SNX32: variants seen among roughly 807,000 people sequenced by gnomAD.
SNX32 encodes the protein sorting nexin-32.
In SNX32, 58 loss-of-function variants were observed where a neutral mutation model predicts 57.0. That is an observed-to-expected ratio of 1.02 (90% CI 0.82 to 1.27). SNX32 has a LOEUF of 1.27. SNX32 is among the 50% of genes most tolerant of loss of function. The pLI is 0.00. For missense variants in SNX32, 589 were observed against 541.2 expected, an observed-to-expected ratio of 1.09 and a Z score of -0.88; for synonymous variants, 262 against 220.4, an observed-to-expected ratio of 1.19 and a Z score of -1.67.
chr11:65,844,289 T>C (rs553238275), intron 1 of SNX32, among the ~76,000 whole-genome samples: 5 of 152,276 alleles, frequency 3.3e-5, no homozygotes, highest in East Asian at 1.9e-4. Context: ...AGGACAAACA[T>C]AGACCAATGG....
chr11:65,843,300 G>A (rs1446572891), intron 1 of SNX32, among the ~76,000 whole-genome samples: 1 of 151,234 alleles, frequency 6.6e-6, no homozygotes, highest in Admixed American at 6.6e-5. Flanking sequence ...CAGGTAGGGT[G>A]GCTCATGCCT....
intron 12 of SNX32, 135 bp from the exon 13 acceptor site, chr11:65,853,147 A>C: frequency 7.4e-7 from 1 of 1,358,790 alleles, no homozygotes; most frequent in African/African-American, 1.4e-5. Context: ...CCTTCTGGGT[A>C]GGAAGGCCCA....
chr11:65,840,048 A>G (rs187828923), intron 1 of SNX32, among the ~76,000 whole-genome samples: 2,138 of 152,090 alleles, frequency 0.014, 50 homozygotes, highest in East Asian at 0.1. Context: ...CCAGCTACTC[A>G]GGAGGCTGAG....
intron 1 of SNX32, among the ~76,000 whole-genome samples, chr11:65,835,053 CTA>C (rs1312226686): frequency 6.9e-6 from 1 of 145,200 alleles, no homozygotes; most frequent in Non-Finnish European, 1.5e-5. Flanking sequence ...GTGTGTGTTT[CTA>C]TGTGTGTCTG....
intron 9 of SNX32, 92 bp from the exon 10 acceptor site, chr11:65,852,368 AGGCTT>A (rs1235693420): frequency 1.7e-5 from 19 of 1,096,336 alleles, no homozygotes; most frequent in South Asian, 2.6e-5. Context: ...CAGTTACCTA[AGGCTT>A]CTTTGCTGGA....
intron 5 of SNX32, 73 bp from the exon 6 acceptor site, chr11:65,850,678 G>A (rs1352295522): frequency 1.1e-5 from 17 of 1,582,174 alleles, no homozygotes; most frequent in South Asian, 3.4e-5. Flanking sequence ...TCACAGCTCC[G>A]TGAGTGGCTT....
intron 1 of SNX32, among the ~76,000 whole-genome samples, chr11:65,843,272 T>C (rs1385706640): frequency 7.1e-6 from 1 of 140,632 alleles, no homozygotes; most frequent in Non-Finnish European, 1.6e-5. Flanking sequence ...AGAAAATGAA[T>C]TGAAAATAGA....
chr11:65,853,439 G>C lies in SNX32; in HGVS notation c.*104G>C. 1 of 1,156,700 alleles carries C rather than the reference G, an allele frequency of 8.6e-7. No homozygotes were observed. Among genetic ancestry groups the C allele is most frequent in the Non-Finnish European group, 1.3e-6 (1 of 775,958 alleles). The allele number at this position is 1,156,700 out of a possible 1,614,324, so 71.7% of individuals were successfully genotyped here. A position where few individuals can be genotyped will look rare whatever the true frequency, so the allele number is the denominator to read the frequency against. On this transcript the variant is annotated 3_prime_UTR_variant, in exon 13 of 13. Transcript: ENST00000308342. ...GTCTCCTTCCCTAGCAGTGCCACTA[G>C]CCACACCCTCACTCTGCCCCACATC...
chr11:65,849,893 G>T, intron 2 of SNX32, 27 bp from the exon 3 acceptor site: 4 of 1,531,616 alleles, frequency 2.6e-6, no homozygotes, highest in Non-Finnish European at 3.5e-6. Context: ...GCAGAGAGAG[G>T]ACCTCAGTTG....
intron 8 of SNX32, 32 bp from the exon 9 acceptor site, chr11:65,851,608 C>A: frequency 6.2e-7 from 1 of 1,613,594 alleles, no homozygotes; most frequent in Non-Finnish European, 8.5e-7. Context: ...TCCTCAGCCC[C>A]CTACCCTAAC....
Position 65,851,626 on chromosome 11 carries a change from C to T in SNX32, c.786-14C>T. Reference sequence around the variant, plus strand: ...TCAGCCCCCTACCCTAACTCCCTCCCTACTGCTTCCTAGGAGCTTCCTCAA... The same window carrying T: ...TCAGCCCCCTACCCTAACTCCCTCCTTACTGCTTCCTAGGAGCTTCCTCAA... On this transcript the variant is annotated splice_polypyrimidine_tract_variant and intron_variant, in intron 8 of 12. Coordinates refer to ENST00000308342, the MANE Select transcript of SNX32 (RefSeq NM_152760.3). 6.2e-7 allele frequency: 1 copy of T among 1,614,020 alleles called. No individual in the cohort carries two copies.
At chr11:65,844,965 CAAA>C (rs58832475) in intron 1 of SNX32, among the ~76,000 whole-genome samples, 28 of 125,500 alleles carry the variant, frequency 2.2e-4, no homozygotes, top group Admixed American at 2.4e-4. Context: ...GACTCTGTCT[CAAA>C]AAAAAAAAAA....
intron 1 of SNX32, among the ~76,000 whole-genome samples, chr11:65,847,013 T>G (rs1283497262): frequency 3.2e-5 from 1 of 31,138 alleles, no homozygotes; most frequent in East Asian, 8.4e-4. Context: ...TAGTTTTTTT[T>G]GTTTTTTTTT....
chr11:65,852,809 C>T lies in SNX32; in HGVS notation c.1072+20C>T. On this transcript the variant is annotated intron_variant, in intron 11 of 12. Transcript: ENST00000308342. ...AGCAAGGTGAGCCCGCAGCCCCCAG[C>T]CCCAGCCTGGGGCCACATGCCCTGC... 1.2e-6 allele frequency: 2 copies of T among 1,611,228 alleles called. No homozygotes were observed. Among genetic ancestry groups the T allele is most frequent in the Non-Finnish European group, 1.7e-6 (2 of 1,177,880 alleles).
rs190260061 is a variant in SNX32 at position 65,847,779 on chromosome 11, G to T, written c.37-1699G>T. 5.9e-5 allele frequency among the ~76,000 whole-genome samples: 9 copies of T among 152,178 alleles called. No individual in the cohort carries two copies. The East Asian group carries it at 1.7e-3, about 29-fold the overall frequency. On this transcript the variant is annotated intron_variant, in intron 1 of 12. Transcript: ENST00000308342. Reference sequence around the variant, plus strand: ...ACAAAAATTAGCTGGGAGTGGTGGCGTGTGCCTGTAATCCCAGCTACTCAG... The same window carrying T: ...ACAAAAATTAGCTGGGAGTGGTGGCTTGTGCCTGTAATCCCAGCTACTCAG...
intron 5 of SNX32, 32 bp from the exon 6 acceptor site, chr11:65,850,719 C>A (rs774915049): frequency 3.1e-6 from 5 of 1,605,992 alleles, no homozygotes; most frequent in Non-Finnish European, 4.3e-6. Context: ...AGAACGCCCA[C>A]CCCAGCATCA....
chr11:65,838,071 A>G (rs977281432), intron 1 of SNX32, among the ~76,000 whole-genome samples: 1 of 151,464 alleles, frequency 6.6e-6, no homozygotes, highest in Non-Finnish European at 1.5e-5. Flanking sequence ...TAGGAGAATC[A>G]CTTGAACCTG....
intron 1 of SNX32, among the ~76,000 whole-genome samples, chr11:65,842,811 G>A (rs1259174682): frequency 6.7e-6 from 1 of 149,106 alleles, no homozygotes; most frequent in Non-Finnish European, 1.5e-5. Context: ...TGAGCTGGGT[G>A]TGGTGGTGGG....
intron 1 of SNX32, among the ~76,000 whole-genome samples, chr11:65,842,949 C>CAA (rs922615169): frequency 8.1e-3 from 328 of 40,540 alleles, no homozygotes; most frequent in Non-Finnish European, 0.011. Context: ...AACTCCATCT[C>CAA]AAAAAAAAAA....
Sources: allele counts gnomAD v4.1 joint callset (sites outside exome capture counted in the v4.1 genomes callset), GRCh38; gene constraint gnomAD v4.1.1; transcripts MANE v1.5; gene names NCBI Gene and HGNC (gene_info 2026-07-23, HGNC 2026-07-21).